The following KANK1 variants were observed in gnomAD, a reference collection of about 807,000 sequenced individuals.
KANK1 encodes KN motif and ankyrin repeat domain-containing protein 1.
In KANK1, 109 loss-of-function variants were observed where a neutral mutation model predicts 106.2. The ratio of observed to expected loss-of-function variants is 1.03; its 90% CI spans 0.88 to 1.20. The LOEUF (loss-of-function observed/expected upper bound fraction) is 1.20, where lower values mean the gene tolerates loss of function less well. Among genes scored for constraint, KANK1 ranks in the 50% most tolerant of loss-of-function variants. KANK1 has a pLI of 0.00. For missense variants in KANK1, 2,399 were observed against 1,710.7 expected, an observed-to-expected ratio of 1.40 and a Z score of -7.10; for synonymous variants, 873 against 652.2, an observed-to-expected ratio of 1.34 and a Z score of -5.16.
intron 1 of KANK1, among the ~76,000 whole-genome samples, chr9:635,354 G>C (rs1836833295): frequency 6.6e-6 from 1 of 152,164 alleles, no homozygotes; most frequent in Non-Finnish European, 1.5e-5. Flanking sequence ...CCTGTGTGAA[G>C]GTCATATCTC....
intron 1 of KANK1, among the ~76,000 whole-genome samples, chr9:523,149 C>A (rs2059625756): frequency 6.6e-6 from 1 of 150,798 alleles, no homozygotes; most frequent in African/African-American, 2.5e-5. Context: ...CTGTAAGGCC[C>A]AACTCCTTCC....
At chr9:742,527 G>T in intron 10 of KANK1, 122 bp downstream of exon 10, 1 of 713,508 alleles carries the variant, frequency 1.4e-6, no homozygotes, top group Non-Finnish European at 2.3e-6. Flanking sequence ...GATTTGTGTC[G>T]CCATCTAGGT....
rs555895384 is a variant in KANK1, at chr9:631,560, C to T, written c.-83-45330C>T. Among the ~76,000 whole-genome samples, 114 of 152,288 alleles carry T rather than the reference C, an allele frequency of 7.5e-4. 2 individuals carry two copies. The highest frequency in any genetic ancestry group is 2.6e-3 in the African/African-American group (106 of 41,552). On this transcript the variant is annotated intron_variant, in intron 1 of 11. Coordinates refer to ENST00000382297, the MANE Select transcript of KANK1 (RefSeq NM_015158.5). ...ATCTCCTTCTTCCACATTCCTCCTCCTCTAGGCAAGGCAAGTCGTTTTCCT... is the reference window on the plus strand; with the variant it reads ...ATCTCCTTCTTCCACATTCCTCCTCTTCTAGGCAAGGCAAGTCGTTTTCCT...
chr9:530,108 G>A (rs903291041), intron 1 of KANK1, among the ~76,000 whole-genome samples: 17 of 152,132 alleles, frequency 1.1e-4, no homozygotes, highest in African/African-American at 4.1e-4. Flanking sequence ...TTGCCATTGG[G>A]CTGTTACCAA....
intron 2 of KANK1, among the ~76,000 whole-genome samples, chr9:678,115 C>T (rs373947108): frequency 6.6e-6 from 1 of 152,150 alleles, no homozygotes; most frequent in South Asian, 2.1e-4. Context: ...AACACTATAA[C>T]CCAAACCCAG....
chr9:596,570 AGTGTTTCACAGAGAGGCAACG>A (rs1383051115), intron 1 of KANK1, among the ~76,000 whole-genome samples: 1 of 151,580 alleles, frequency 6.6e-6, no homozygotes, highest in Non-Finnish European at 1.5e-5. Context: ...TAGCTCTTAG[AGTGTTTCACAGAGAGGCAACG>A]GGATTCAGAA....
intron 2 of KANK1, among the ~76,000 whole-genome samples, chr9:709,560 A>G (rs1056401336): frequency 1.3e-5 from 2 of 151,724 alleles, no homozygotes; most frequent in African/African-American, 2.4e-5. Flanking sequence ...CTATATTCCA[A>G]GAGACTGTAG....
At chr9:717,397 G>A (rs1828017674) in intron 3 of KANK1, among the ~76,000 whole-genome samples, 1 of 152,220 alleles carries the variant, frequency 6.6e-6, no homozygotes, top group African/African-American at 2.4e-5. Flanking sequence ...GGTATTTACA[G>A]ATGTCCATGC....
intron 1 of KANK1, among the ~76,000 whole-genome samples, chr9:525,807 T>C (rs1294516060): frequency 4.0e-5 from 6 of 151,642 alleles, no homozygotes; most frequent in Non-Finnish European, 8.8e-5. Flanking sequence ...CCTGCTCCCC[T>C]GGCTGCCGTT....
intron 1 of KANK1, among the ~76,000 whole-genome samples, chr9:580,738 G>T (rs1022570158): frequency 6.6e-6 from 1 of 152,266 alleles, no homozygotes; most frequent in Non-Finnish European, 1.5e-5. Flanking sequence ...GGCCGCAGGC[G>T]GAGCTGCCTG....
chr9:502,972 C>T (rs907008446), upstream of KANK1, among the ~76,000 whole-genome samples: 4 of 149,366 alleles, frequency 2.7e-5, no homozygotes, highest in African/African-American at 9.9e-5. Context: ...GTAGCTGGGA[C>T]TACAGGCGCG....
At position 740,847 on chromosome 9, in the gene KANK1, G is replaced by T. The variant is rs114625699; in HGVS notation, c.3609G>T (p.Ala1203=). The change falls in exon 9 of 12, where the codon GCG becomes GCT. Residue 1203 remains alanine, a synonymous_variant. Transcript: ENST00000382297. ...NKAGYTPIML[A]ALAAVEAEKD... ...CAGGCTACACCCCCATCATGTTGGC[G>T]GCCCTCGCCGCTGTGGAAGCAGAGA... The T allele has an allele frequency of 1.2e-6, 2 of 1,613,836 alleles. No homozygotes were observed. Among genetic ancestry groups the T allele is most frequent in the East Asian group, 2.2e-5 (1 of 44,876 alleles).
intron 2 of KANK1, among the ~76,000 whole-genome samples, chr9:709,723 C>A (rs937236293): frequency 1.3e-5 from 2 of 151,182 alleles, no homozygotes; most frequent in Admixed American, 1.3e-4. Context: ...TCAAGCAATT[C>A]TCCTGCCTCA....
chr9:587,313 A>T (rs913027716), intron 1 of KANK1, among the ~76,000 whole-genome samples: 1 of 152,208 alleles, frequency 6.6e-6, no homozygotes, highest in Non-Finnish European at 1.5e-5. Flanking sequence ...ATAGGATGAA[A>T]TATGAGCAAG....
chr9:519,307 T>C (rs1400075865), intron 1 of KANK1, among the ~76,000 whole-genome samples: 1 of 151,818 alleles, frequency 6.6e-6, no homozygotes, highest in African/African-American at 2.4e-5. Flanking sequence ...TCTGAGTTTC[T>C]CTGAACTTCC....
chr9:735,309 C>G (rs1023341388), intron 7 of KANK1, among the ~76,000 whole-genome samples: 56 of 152,134 alleles, frequency 3.7e-4, no homozygotes, highest in African/African-American at 1.3e-3. Flanking sequence ...CAGGCGGCCA[C>G]TATTTTTAAA....
chr9:721,822 C>A (rs1829416474), intron 3 of KANK1, among the ~76,000 whole-genome samples: 1 of 152,252 alleles, frequency 6.6e-6, no homozygotes, highest in African/African-American at 2.4e-5. Flanking sequence ...ATAAGAATGA[C>A]CCCAACCAGA....
chr9:610,670 A>C (rs575242252), intron 1 of KANK1, among the ~76,000 whole-genome samples: 119 of 152,316 alleles, frequency 7.8e-4, no homozygotes, highest in African/African-American at 2.8e-3. Context: ...GCCATTGAAG[A>C]ATCCTTGTAG....
At position 608,031 on chromosome 9, in the gene KANK1, A is replaced by ATTTTTTTT. The variant is rs1175822024; in HGVS notation, c.-83-68857_-83-68856insTTTTTTTT. Among the ~76,000 whole-genome samples, 282 of 87,970 alleles carry ATTTTTTTT rather than the reference A, an allele frequency of 3.2e-3. 9 individuals are homozygous for ATTTTTTTT. Among genetic ancestry groups the ATTTTTTTT allele is most frequent in the African/African-American group, 0.011 (265 of 23,792 alleles). 57.7% of individuals were successfully genotyped at this position (87,970 alleles called of 152,430 possible). ...TTTCAGAATTATTATTATTATTATT[A>ATTTTTTTT]TTATTTTTTTTTTTTTTGAGACGGA... On this transcript the variant is annotated intron_variant, in intron 1 of 11. Coordinates refer to ENST00000382297, the MANE Select transcript of KANK1 (RefSeq NM_015158.5).
Sources: allele counts gnomAD v4.1 joint callset (sites outside exome capture counted in the v4.1 genomes callset), GRCh38; gene constraint gnomAD v4.1.1; transcripts MANE v1.5; gene names NCBI Gene and HGNC (gene_info 2026-07-23, HGNC 2026-07-21).